The following NRXN3 variants were observed in gnomAD, a reference collection of about 807,000 sequenced individuals.
NRXN3 encodes neurexin 3.
A neutral mutation model predicts 137.6 loss-of-function variants in NRXN3; 32 were observed. The ratio of observed to expected loss-of-function variants is 0.23; its 90% confidence interval spans 0.18 to 0.31. The LOEUF (loss-of-function observed/expected upper bound fraction) is 0.31. Among genes scored for constraint, NRXN3 ranks in the 10% least tolerant of loss-of-function variants. NRXN3 has a pLI of 1.00. For synonymous variants in NRXN3, 798 were observed against 784.5 expected (o/e 1.02, Z -0.29); for missense variants, 1,574 against 2,062.5 (o/e 0.76, Z 4.59).
chr14:79,862,185 G>A lies in NRXN3; in HGVS notation c.*221G>A, dbSNP rs1180629317. Reference sequence around the variant, plus strand: ...GCCACGGCTGCGGCAAGGTCCCAGCGGTCGCTGGGAGACAGAAGGTTTTGT... The same window carrying A: ...GCCACGGCTGCGGCAAGGTCCCAGCAGTCGCTGGGAGACAGAAGGTTTTGT... On this transcript the variant is annotated 3_prime_UTR_variant, in exon 21 of 21. Transcript: ENST00000335750. 34 of 517,738 alleles carry A rather than the reference G, an allele frequency of 6.6e-5. No homozygotes were observed. The East Asian group carries it at 1.1e-3, about 16-fold the overall frequency. 32.1% of individuals were successfully genotyped at this position (517,738 alleles called of 1,614,324 possible). A position where few individuals can be genotyped will look rare whatever the true frequency, so the allele number is the denominator to read the frequency against.
chr14:79,327,390 C>G (rs2091050574), intron 15 of NRXN3, among the ~76,000 whole-genome samples: 1 of 152,178 alleles, frequency 6.6e-6, no homozygotes, highest in Non-Finnish European at 1.5e-5. Flanking sequence ...TACTGACACC[C>G]TAGCTCCCTT....
At chr14:78,824,103 C>CTTATT in intron 10 of NRXN3, among the ~76,000 whole-genome samples, 1 of 98,948 alleles carries the variant, frequency 1.0e-5, no homozygotes, top group East Asian at 3.7e-4. Flanking sequence ...TCACCTGCTT[C>CTTATT]TTTTTTTTTT....
rs31360 is a variant in NRXN3 at position 78,865,044 on chromosome 14, G to A, written c.2275+54700G>A. ...CTCAAATGCCAAGTTGCTGTATTTT[G>A]GGGTAGTATGTCCTGAACCCCATCA... On this transcript the variant is annotated intron_variant, in intron 10 of 20. Transcript: ENST00000335750. 6.1e-3 allele frequency among the ~76,000 whole-genome samples: 932 copies of A among 152,184 alleles called. 7 individuals are homozygous for A. The highest frequency in any genetic ancestry group is 0.022 in the African/African-American group (905 of 41,518).
chr14:79,506,862 A>G (rs931828961), intron 16 of NRXN3, among the ~76,000 whole-genome samples: 6 of 152,154 alleles, frequency 3.9e-5, no homozygotes, highest in African/African-American at 1.2e-4. Context: ...AGATCTCCTG[A>G]GAGGTGAAAA....
chr14:78,808,718 G>A (rs552972529), intron 9 of NRXN3, among the ~76,000 whole-genome samples: 5 of 152,164 alleles, frequency 3.3e-5, no homozygotes, highest in East Asian at 1.9e-4. Flanking sequence ...TGTTCTTCTC[G>A]GGAACAAATA....
intron 15 of NRXN3, among the ~76,000 whole-genome samples, chr14:79,189,585 C>G (rs941006270): frequency 1.3e-5 from 2 of 152,064 alleles, no homozygotes; most frequent in African/African-American, 4.8e-5. Flanking sequence ...CTCCCTGCCC[C>G]TTTCACTGTT....
chr14:79,830,402 C>A (rs1226136778), intron 20 of NRXN3, among the ~76,000 whole-genome samples: 1 of 152,054 alleles, frequency 6.6e-6, no homozygotes, highest in Non-Finnish European at 1.5e-5. Context: ...ATGGAGGCAC[C>A]TTTTTTTCTG....
chr14:78,998,401 T>C (rs928786086), intron 15 of NRXN3, among the ~76,000 whole-genome samples: 2 of 152,192 alleles, frequency 1.3e-5, no homozygotes, highest in Admixed American at 1.3e-4. Flanking sequence ...CAGTATGTAA[T>C]ATTCTACAAC....
chr14:79,453,431 C>G (rs541348917), intron 15 of NRXN3, among the ~76,000 whole-genome samples: 2 of 152,216 alleles, frequency 1.3e-5, no homozygotes, highest in African/African-American at 4.8e-5. Context: ...CACATGCAGA[C>G]TATGTTTTTC....
chr14:79,261,166 T>C lies in NRXN3; in HGVS notation c.3263-206055T>C, dbSNP rs144223457. On this transcript the variant is annotated intron_variant, in intron 15 of 20. Transcript: ENST00000335750. ...AGGGGCATAATGGGAGCAGTGGGAA[T>C]TGGGAGACACAGGGAGAAGAAACGA... 3.3e-3 allele frequency among the ~76,000 whole-genome samples: 507 copies of C among 152,088 alleles called. 2 individuals carry two copies. Among genetic ancestry groups the C allele is most frequent in the African/African-American group, 0.011 (475 of 41,480 alleles).
chr14:78,340,605 G>C (rs375194741), intron 4 of NRXN3, among the ~76,000 whole-genome samples: 1 of 152,092 alleles, frequency 6.6e-6, no homozygotes, highest in African/African-American at 2.4e-5. Flanking sequence ...GTGGCTTCTC[G>C]TCTTCCAGGG....
chr14:79,689,030 G>T (rs2154023166), intron 17 of NRXN3, among the ~76,000 whole-genome samples: 1 of 152,172 alleles, frequency 6.6e-6, no homozygotes, highest in African/African-American at 2.4e-5. Flanking sequence ...AGATTTCTCA[G>T]TGTGATTAAG....
intron 8 of NRXN3, among the ~76,000 whole-genome samples, chr14:78,794,772 AT>A (rs2098816223): frequency 6.6e-6 from 1 of 151,992 alleles, no homozygotes; most frequent in South Asian, 2.1e-4. Context: ...AACATGTACT[AT>A]TTAACAAAAT....
At chr14:78,195,155 T>C (rs1031110198) in intron 1 of NRXN3, among the ~76,000 whole-genome samples, 3 of 151,744 alleles carry the variant, frequency 2.0e-5, no homozygotes, top group Non-Finnish European at 2.9e-5. Flanking sequence ...AGAACTGTAG[T>C]TCTTGAAAAA....
intron 15 of NRXN3, among the ~76,000 whole-genome samples, chr14:79,010,420 G>A (rs1225192813): frequency 6.6e-6 from 1 of 152,078 alleles, no homozygotes; most frequent in Non-Finnish European, 1.5e-5. Flanking sequence ...TAATATCCTT[G>A]CAGGAATTAA....
Position 78,906,015 on chromosome 14 carries a change from A to C in NRXN3, c.2276-51227A>C, listed in dbSNP as rs73323329. On this transcript the variant is annotated intron_variant, in intron 10 of 20. Transcript: ENST00000335750. ...GTTCTATAAGGGGAATGGCTAAATA[A>C]AATTAAAAACACATTTTTAATGTTA... Among the ~76,000 whole-genome samples the C allele has an allele frequency of 8.5e-3, 1,298 of 152,124 alleles. 22 individuals are homozygous for C. Among genetic ancestry groups the C allele is most frequent in the African/African-American group, 0.029 (1,225 of 41,536 alleles).
intron 15 of NRXN3, among the ~76,000 whole-genome samples, chr14:79,294,305 G>A (rs182790409): frequency 6.6e-6 from 1 of 152,302 alleles, no homozygotes; most frequent in African/African-American, 2.4e-5. Context: ...ACATAGGAAA[G>A]GGTATGTTAT....
intron 16 of NRXN3, among the ~76,000 whole-genome samples, chr14:79,515,403 A>G (rs1049293726): frequency 6.6e-6 from 1 of 150,550 alleles, no homozygotes; most frequent in African/African-American, 2.5e-5. Context: ...AGAGCAGGGC[A>G]TCAACCTTGA....
chr14:78,410,252 T>C (rs17107523), intron 4 of NRXN3, among the ~76,000 whole-genome samples: 3,721 of 152,308 alleles, frequency 0.024, 129 homozygotes, highest in African/African-American at 0.08. Flanking sequence ...GAAATTCAGT[T>C]TACGCTGGAG....
Sources: gnomAD v4.1 joint callset for allele counts (sites outside exome capture counted in the v4.1 genomes callset) on GRCh38, gnomAD v4.1.1 for gene constraint, MANE v1.5 for transcripts, NCBI Gene and HGNC (gene_info 2026-07-23, HGNC 2026-07-21) for gene names.